Variants in TBC1D30 observed in about 807,000 individuals in gnomAD.
TBC1D30 encodes the protein TBC1 domain family, member 30.
In TBC1D30, 31 loss-of-function variants were observed where a neutral mutation model predicts 63.2. The ratio of observed to expected loss-of-function variants is 0.49; its 90% CI spans 0.37 to 0.66. The LOEUF (loss-of-function observed/expected upper bound fraction) is 0.66, where lower values mean the gene tolerates loss of function less well. TBC1D30 is among the 30% of genes least tolerant of loss of function. The pLI, the probability that TBC1D30 is intolerant of heterozygous loss-of-function variation, is 0.00. For synonymous variants in TBC1D30, 307 were observed against 361.5 expected (o/e 0.85, Z 1.71); for missense variants, 810 against 953.6 (o/e 0.85, Z 1.98).
At chr12:64,775,457 C>G (rs1463216026) in intron 1 of TBC1D30, among the ~76,000 whole-genome samples, 1 of 151,822 alleles carries the variant, frequency 6.6e-6, no homozygotes, top group Non-Finnish European at 1.5e-5. Flanking sequence ...AAATAGAAAA[C>G]AGAAAAAAGC....
In TBC1D30 at chr12:64,875,017, C is replaced by G. The variant is rs1037099728; in HGVS notation, c.1515C>G (p.Thr505=). The stretch of plus-strand genomic sequence containing the variant: ...TTCTTTCAGACAAAGGGCCAGTGAC[C>G]AGCATTCTCCCGTCTCAGGTAAACA... ...VYIRADKGPV[T]SILPSQVNSS... is the part of the protein sequence containing the mutation. Residue 505 remains threonine, a synonymous_variant, in exon 12 of 12, where the codon ACC becomes ACG. Coordinates refer to ENST00000539867, the MANE Select transcript of TBC1D30 (RefSeq NM_015279.2). 31 of 1,535,994 alleles carry G rather than the reference C, an allele frequency of 2.0e-5. No homozygotes were observed. Among genetic ancestry groups the G allele is most frequent in the Non-Finnish European group, 2.7e-5 (31 of 1,146,640 alleles).
At position 64,762,752 on chromosome 12, in the gene TBC1D30, TGTTA is replaced by T. The variant is rs919781422; in HGVS notation, c.-376+3107_-376+3110del. ...GCTCTTTAATCATCTCTTCATATGA[TGTTA>T]GTTTATAATATTTTCTAAAGAAAAT... On this transcript the variant is annotated intron_variant, in intron 1 of 13. Coordinates refer to the TBC1D30 transcript ENST00000674237. Among the ~76,000 whole-genome samples, 27 of 152,334 alleles carry T rather than the reference TGTTA, an allele frequency of 1.8e-4. 1 individual carries two copies. The highest frequency in any genetic ancestry group is 3.4e-3 in the Middle Eastern group (1 of 294).
intron 2 of TBC1D30, among the ~76,000 whole-genome samples, chr12:64,786,326 T>TTTTATTTA (rs60904499): frequency 3.5e-4 from 52 of 149,694 alleles, no homozygotes; most frequent in African/African-American, 1.3e-3. Context: ...TACAATTTTA[T>TTTTATTTA]TTTATTTATT....
At chr12:64,791,360 A>G (rs1871910140) in intron 2 of TBC1D30, among the ~76,000 whole-genome samples, 1 of 152,188 alleles carries the variant, frequency 6.6e-6, no homozygotes, top group African/African-American at 2.4e-5. Context: ...GTACAATTTT[A>G]TGGCATGTGA....
At chr12:64,870,916 C>A in intron 11 of TBC1D30, 108 bp downstream of exon 11, 1 of 1,029,006 alleles carries the variant, frequency 9.7e-7, no homozygotes, top group Non-Finnish European at 1.4e-6. Context: ...GCTCAGTATC[C>A]ATCAACACAG....
chr12:64,836,785 A>G, intron 6 of TBC1D30, 127 bp downstream of exon 6: 1 of 987,932 alleles, frequency 1.0e-6, no homozygotes, highest in Non-Finnish European at 1.4e-6. Flanking sequence ...GTGTAATGAA[A>G]TAGATTTTTA....
chr12:64,828,456 C>G lies in TBC1D30; in HGVS notation c.229C>G (p.Leu77Val). Residue 77 changes from leucine to valine, a missense_variant, in exon 3 of 12, where the codon CTC (leucine) becomes GTC (valine). Coordinates refer to ENST00000539867, the MANE Select transcript of TBC1D30 (RefSeq NM_015279.2). ...TCTTTGTTCCTAGTGGTACGATGCT[C>G]TCAAGGCAGTTGCCAGGCTATCCAC... ...QNGFQQWYDALKAVARLSTGI... is the reference protein window; with the variant it reads ...QNGFQQWYDAVKAVARLSTGI... 4 of 1,535,804 alleles carry G rather than the reference C, an allele frequency of 2.6e-6. No homozygotes were observed. The highest frequency in any genetic ancestry group is 3.5e-6 in the Non-Finnish European group (4 of 1,146,714).
At chr12:64,864,865 C>A (rs1021128365) in intron 9 of TBC1D30, 85 bp downstream of exon 9, 2 of 959,174 alleles carry the variant, frequency 2.1e-6, no homozygotes, top group Admixed American at 2.4e-5. Context: ...TTATGAAGCC[C>A]CAGAGATATG....
In TBC1D30 at chr12:64,824,978, G is replaced by A. The variant is rs1283008958; in HGVS notation, c.99G>A (p.Lys33=). 6 of 1,534,754 alleles carry A rather than the reference G, an allele frequency of 3.9e-6. No individual in the cohort carries two copies. The highest frequency in any genetic ancestry group is 4.4e-6 in the Non-Finnish European group (5 of 1,146,556). Residue 33 remains lysine, a synonymous_variant, in exon 1 of 12, where the codon AAG becomes AAA. Coordinates refer to ENST00000539867, the MANE Select transcript of TBC1D30 (RefSeq NM_015279.2). ...GVGTILSNVL[K]KRSCISRTAP... ...GCACCATCCTGAGCAATGTGCTCAA[G>A]AAGCGCAGCTGCATTTCCCGGACCG...
In TBC1D30 at chr12:64,801,810, CAA is replaced by C. The variant is rs201014206; in HGVS notation, c.643+15767_643+15768del. Among the ~76,000 whole-genome samples, 1,314 of 152,250 alleles carry C rather than the reference CAA, an allele frequency of 8.6e-3. 20 individuals are homozygous for C. Among genetic ancestry groups the C allele is most frequent in the African/African-American group, 0.03 (1,244 of 41,536 alleles). ...TATGTATCAGGCAGCAGGAGAATAG[CAA>C]AGACAGGTAAATTCAGATGTGTTCT... is the stretch of plus-strand genomic sequence containing the variant. On this transcript the variant is annotated intron_variant, in intron 2 of 12. Transcript: ENST00000542120.
chr12:64,780,278 G>A (rs776940285), upstream of TBC1D30, among the ~76,000 whole-genome samples: 1 of 152,230 alleles, frequency 6.6e-6, no homozygotes, highest in Non-Finnish European at 1.5e-5. Flanking sequence ...AGGTGGGAAA[G>A]TGAGAAGGGC....
At chr12:64,801,100 A>G (rs926933208) in intron 2 of TBC1D30, among the ~76,000 whole-genome samples, 2 of 152,184 alleles carry the variant, frequency 1.3e-5, no homozygotes, top group East Asian at 1.9e-4. Context: ...ACTTATGTCT[A>G]TTAGAGTGCT....
chr12:64,785,147 C>CTTT (rs3033154), intron 1 of TBC1D30, among the ~76,000 whole-genome samples: 2 of 134,842 alleles, frequency 1.5e-5, no homozygotes, highest in Non-Finnish European at 3.2e-5. Flanking sequence ...ACTTTAAAGA[C>CTTT]TTTTTTTTTT....
At chr12:64,784,528 TG>T (rs1394870725) in intron 1 of TBC1D30, among the ~76,000 whole-genome samples, 1 of 150,574 alleles carries the variant, frequency 6.6e-6, no homozygotes, top group Non-Finnish European at 1.5e-5. Context: ...GAACCTCTAA[TG>T]GGGGGCTAGC....
intron 8 of TBC1D30, among the ~76,000 whole-genome samples, chr12:64,858,187 G>A (rs574754928): frequency 3.3e-5 from 5 of 152,274 alleles, no homozygotes; most frequent in South Asian, 2.1e-4. Flanking sequence ...CTTGTCTGCC[G>A]CCCACCCTCC....
At chr12:64,858,132 T>C (rs964685633) in intron 8 of TBC1D30, among the ~76,000 whole-genome samples, 8 of 152,232 alleles carry the variant, frequency 5.3e-5, no homozygotes, top group Non-Finnish European at 1.2e-4. Flanking sequence ...TAAAATTTGG[T>C]GTTGCAGCAG....
intron 2 of TBC1D30, among the ~76,000 whole-genome samples, chr12:64,807,883 G>C (rs1171769515): frequency 7.0e-6 from 1 of 143,864 alleles, no homozygotes; most frequent in African/African-American, 2.7e-5. Flanking sequence ...CTGAGTAGCT[G>C]GGACTACAGG....
At chr12:64,797,031 A>C (rs1421611323) in intron 2 of TBC1D30, among the ~76,000 whole-genome samples, 61 of 31,022 alleles carry the variant, frequency 2.0e-3, no homozygotes, top group Admixed American at 3.7e-3. Context: ...TCCTCTGCAA[A>C]AAAAAAAAAA....
intron 8 of TBC1D30, among the ~76,000 whole-genome samples, chr12:64,848,882 C>G (rs1876623247): frequency 6.6e-6 from 1 of 152,190 alleles, no homozygotes; most frequent in Non-Finnish European, 1.5e-5. Context: ...CTAATTTACA[C>G]TCCCACCAAC....
Sources: allele counts gnomAD v4.1 joint callset (sites outside exome capture counted in the v4.1 genomes callset), GRCh38; gene constraint gnomAD v4.1.1; transcripts MANE v1.5; gene names NCBI Gene and HGNC (gene_info 2026-07-23, HGNC 2026-07-21).